TIA1: variants seen among roughly 807,000 people sequenced by gnomAD.
TIA1 encodes the protein cytotoxic granule associated RNA binding protein TIA1.
TIA1 carries 23 observed loss-of-function variants against 65.9 expected under a neutral mutation model. The observed-to-expected ratio is 0.35, with a 90% confidence interval of 0.25 to 0.49. TIA1 has a LOEUF of 0.49. Ranked by LOEUF, TIA1 falls within the 20% of genes least tolerant of loss-of-function variation. TIA1 has a pLI of 0.98. For missense variants in TIA1, 371 were observed against 477.9 expected (o/e 0.78, Z 2.09); for synonymous variants, 147 against 149.4 (o/e 0.98, Z 0.12).
At chr2:70,242,817 T>C (rs1053421353) in intron 1 of TIA1, among the ~76,000 whole-genome samples, 4 of 152,054 alleles carry the variant, frequency 2.6e-5, no homozygotes, top group Non-Finnish European at 1.5e-5. Flanking sequence ...AGGTTGTGTG[T>C]TCCTTATGAG....
rs533625544 is a variant in TIA1, at chr2:70,220,540, G to T, written c.475-3546C>A. Among the ~76,000 whole-genome samples the T allele has an allele frequency of 2.6e-5, 4 of 152,256 alleles. No individual in the cohort carries two copies. The East Asian group carries it at 5.8e-4, about 22-fold the overall frequency. On this transcript the variant is annotated intron_variant, in intron 7 of 12. Transcript: ENST00000433529. ...AATTACCAGCAACCACCAGAAGCTT[G>T]GAAGAAGCAACAAAGGATTCTTCTA...
intron 1 of TIA1, among the ~76,000 whole-genome samples, chr2:70,236,814 A>C (rs1689195702): frequency 6.6e-6 from 1 of 152,038 alleles, no homozygotes. Flanking sequence ...GTTTCTGTAG[A>C]GAAGGCGTTT....
intron 1 of TIA1, among the ~76,000 whole-genome samples, chr2:70,245,194 C>T (rs1436677498): frequency 6.6e-6 from 1 of 152,102 alleles, no homozygotes; most frequent in East Asian, 1.9e-4. Flanking sequence ...ACCATGTTGC[C>T]CAGGTTGGTC....
chr2:70,238,680 C>G (rs1043781090), intron 1 of TIA1, among the ~76,000 whole-genome samples: 1 of 151,942 alleles, frequency 6.6e-6, no homozygotes, highest in African/African-American at 2.4e-5. Context: ...GTAGAAACAT[C>G]ACAGATTATG....
intron 1 of TIA1, among the ~76,000 whole-genome samples, chr2:70,247,101 T>C (rs1694707084): frequency 1.3e-5 from 2 of 152,160 alleles, no homozygotes; most frequent in Non-Finnish European, 2.9e-5. Context: ...ACCGTGAGGC[T>C]AGTAGTTTTT....
intron 7 of TIA1, among the ~76,000 whole-genome samples, chr2:70,223,719 T>G (rs1032434136): frequency 2.6e-5 from 4 of 151,050 alleles, no homozygotes; most frequent in Non-Finnish European, 5.9e-5. Context: ...CGGCTGAATT[T>G]TCGGAATTCC....
chr2:70,222,573 A>AT (rs1204615481), intron 7 of TIA1, among the ~76,000 whole-genome samples: 3 of 152,224 alleles, frequency 2.0e-5, no homozygotes, highest in Non-Finnish European at 4.4e-5. Flanking sequence ...CAAATTTTAC[A>AT]TAAGTTGAAA....
chr2:70,217,415 C>A (rs933828440), intron 7 of TIA1, among the ~76,000 whole-genome samples: 2 of 143,116 alleles, frequency 1.4e-5, no homozygotes, highest in African/African-American at 5.1e-5. Context: ...TTTTTTTTTT[C>A]TTTTTTAAGT....
At position 70,248,539 on chromosome 2, in the gene TIA1, C is replaced by G. The variant is rs1409983665; in HGVS notation, c.-109G>C. 2 of 1,534,436 alleles carry G rather than the reference C, an allele frequency of 1.3e-6. No homozygotes were observed. The highest frequency in any genetic ancestry group is 1.8e-6 in the Non-Finnish European group (2 of 1,128,012). Reference sequence around the variant, plus strand: ...AGGATAGTGGGGTTTCTCGGCTGACCAGAGGTTACTCCGCCTCCTCCTCCG... The same window carrying G: ...AGGATAGTGGGGTTTCTCGGCTGACGAGAGGTTACTCCGCCTCCTCCTCCG... On this transcript the variant is annotated 5_prime_UTR_variant, in exon 1 of 13. Transcript: ENST00000433529.
chr2:70,225,885 T>A (rs892353445), intron 6 of TIA1, among the ~76,000 whole-genome samples: 1 of 152,182 alleles, frequency 6.6e-6, no homozygotes, highest in African/African-American at 2.4e-5. Flanking sequence ...CCATATTTTT[T>A]ATACTACATG....
At chr2:70,220,185 G>C (rs1387710363) in intron 7 of TIA1, among the ~76,000 whole-genome samples, 1 of 152,038 alleles carries the variant, frequency 6.6e-6, no homozygotes, top group African/African-American at 2.4e-5. Context: ...CGAGGCAGGT[G>C]GATCATGAGC....
intron 7 of TIA1, among the ~76,000 whole-genome samples, chr2:70,223,145 C>T (rs1051632872): frequency 1.3e-5 from 2 of 152,100 alleles, no homozygotes; most frequent in Non-Finnish European, 2.9e-5. Context: ...CCCATCAAAC[C>T]GCCAATTTAT....
intron 1 of TIA1, among the ~76,000 whole-genome samples, chr2:70,244,510 TAATAAATATCTC>T (rs1693353330): frequency 1.3e-5 from 2 of 152,164 alleles, no homozygotes; most frequent in Admixed American, 6.6e-5. Context: ...AAGTATTATC[TAATAAATATCTC>T]ATTTTGGCCA....
chr2:70,234,094 CAT>C (rs1447151504), intron 2 of TIA1, among the ~76,000 whole-genome samples: 1 of 152,218 alleles, frequency 6.6e-6, no homozygotes, highest in African/African-American at 2.4e-5. Flanking sequence ...CCCAGGGAAA[CAT>C]ATGACCAGCC....
intron 5 of TIA1, 193 bp downstream of exon 5, chr2:70,228,866 T>G: frequency 7.0e-7 from 1 of 1,438,024 alleles, no homozygotes; most frequent in Non-Finnish European, 9.1e-7. Flanking sequence ...TCAGAAAGCT[T>G]GAACTAGCAC....
At chr2:70,216,128 A>G (rs1168106195) in intron 10 of TIA1, 80 bp downstream of exon 10, 2 of 1,185,302 alleles carry the variant, frequency 1.7e-6, no homozygotes, top group Non-Finnish European at 2.3e-6. Flanking sequence ...TTTGGAGGAA[A>G]AAGTTTTTTA....
chr2:70,229,004 G>T, intron 5 of TIA1, 55 bp downstream of exon 5: 1 of 1,470,092 alleles, frequency 6.8e-7, no homozygotes. Context: ...ACTTCAGGTG[G>T]TTAGTGAATA....
At position 70,216,974 on chromosome 2, in the gene TIA1, T is replaced by C. The variant is rs778857593; in HGVS notation, c.495A>G (p.Gln165=). The part of the protein sequence containing the change: ...FNKWDAENAI[Q]QMGGQWLGGR... ...CACCAAGCCACTGGCCACCCATCTG[T>C]TGAATGGCGTTTTCAGCATCCTGTT... The change falls in exon 8 of 13, where the codon CAA becomes CAG. Residue 165 remains glutamine, a synonymous_variant. Transcript: ENST00000433529. The C allele has an allele frequency of 1.1e-5, 17 of 1,613,332 alleles. No homozygotes were observed. Among genetic ancestry groups the C allele is most frequent in the South Asian group, 2.2e-5 (2 of 90,856 alleles).
chr2:70,247,989 G>C (rs879431561), intron 1 of TIA1, among the ~76,000 whole-genome samples: 1 of 151,686 alleles, frequency 6.6e-6, no homozygotes, highest in Non-Finnish European at 1.5e-5. Flanking sequence ...GAAATCAAAA[G>C]TAAAATTAAA....
Sources: gnomAD v4.1 joint callset for allele counts (sites outside exome capture counted in the v4.1 genomes callset) on GRCh38, gnomAD v4.1.1 for gene constraint, MANE v1.5 for transcripts, NCBI Gene and HGNC (gene_info 2026-07-23, HGNC 2026-07-21) for gene names.